Variants in CRACD observed in about 807,000 individuals in gnomAD.
The protein encoded by CRACD is capping protein inhibiting regulator of actin dynamics.
A neutral mutation model predicts 106.8 loss-of-function variants in CRACD; 56 were observed. The ratio of observed to expected loss-of-function variants is 0.52; its 90% CI spans 0.42 to 0.66. The LOEUF (loss-of-function observed/expected upper bound fraction) is 0.66, where lower values mean the gene tolerates loss of function less well. CRACD is among the 30% of genes least tolerant of loss of function. The pLI, the probability that CRACD is intolerant of heterozygous loss-of-function variation, is 0.00. For synonymous variants in CRACD, 754 were observed against 670.8 expected (o/e 1.12, Z -1.92); for missense variants, 1,730 against 1,623.2 (o/e 1.07, Z -1.13).
At chr4:56,208,702 G>T (rs1738250358) in intron 2 of CRACD, among the ~76,000 whole-genome samples, 1 of 152,068 alleles carries the variant, frequency 6.6e-6, no homozygotes. Context: ...AGGCTTCAGG[G>T]GCTCTCTGTA....
At chr4:56,215,562 C>A (rs1738634358) in intron 2 of CRACD, among the ~76,000 whole-genome samples, 1 of 152,192 alleles carries the variant, frequency 6.6e-6, no homozygotes, top group Admixed American at 6.5e-5. Flanking sequence ...CTTGTCTCTT[C>A]AACTGGACTA....
intron 10 of CRACD, among the ~76,000 whole-genome samples, chr4:56,325,902 T>C (rs1746410739): frequency 6.6e-6 from 1 of 152,172 alleles, no homozygotes. Context: ...TATATTTGTT[T>C]TTTAGTTTTG....
intron 1 of CRACD, among the ~76,000 whole-genome samples, chr4:56,141,137 A>G (rs1735182368): frequency 6.6e-6 from 1 of 152,204 alleles, no homozygotes; most frequent in Non-Finnish European, 1.5e-5. Flanking sequence ...ACTACCACCA[A>G]GTGGCATGTT....
At chr4:56,137,029 C>T (rs1370527442) in intron 1 of CRACD, among the ~76,000 whole-genome samples, 1 of 152,168 alleles carries the variant, frequency 6.6e-6, no homozygotes, top group Non-Finnish European at 1.5e-5. Flanking sequence ...AATTGGCATA[C>T]ATTTATGGTT....
At chr4:56,254,374 C>A (rs932597449) in intron 2 of CRACD, among the ~76,000 whole-genome samples, 2 of 141,452 alleles carry the variant, frequency 1.4e-5, no homozygotes, top group African/African-American at 2.7e-5. Context: ...CATTAAAAAT[C>A]TTTTAAAGCA....
intron 1 of CRACD, among the ~76,000 whole-genome samples, chr4:56,104,416 C>A (rs995405233): frequency 1.4e-4 from 21 of 150,560 alleles, no homozygotes; most frequent in Non-Finnish European, 2.5e-4. Flanking sequence ...CACAAAAAAA[C>A]AAACAAAACC....
At chr4:56,230,622 A>G (rs531749241) in intron 2 of CRACD, among the ~76,000 whole-genome samples, 1 of 152,320 alleles carries the variant, frequency 6.6e-6, no homozygotes, top group East Asian at 1.9e-4. Flanking sequence ...TGTTTCTGAA[A>G]GATTCTTGGC....
At position 56,106,411 on chromosome 4, in the gene CRACD, C is replaced by T. The variant is rs558500864; in HGVS notation, c.-336+57112C>T. Among the ~76,000 whole-genome samples, 3 of 152,334 alleles carry T rather than the reference C, an allele frequency of 2.0e-5. No homozygotes were observed. The South Asian group carries it at 6.2e-4, about 32-fold the overall frequency. ...GAGTTATAAAAATAAACTCTGGAGA[C>T]TGCTAGTGTTTAAAAGCACTCATCC... On this transcript the variant is annotated intron_variant, in intron 1 of 10. Coordinates refer to ENST00000682029, the MANE Select transcript of CRACD (RefSeq NM_001393381.1).
intron 2 of CRACD, among the ~76,000 whole-genome samples, chr4:56,187,889 A>T (rs1737153144): frequency 6.6e-6 from 1 of 152,186 alleles, no homozygotes; most frequent in Non-Finnish European, 1.5e-5. Flanking sequence ...TCAGCATGGA[A>T]AATGTCCTCC....
At chr4:56,237,822 A>G (rs1577783397) in intron 2 of CRACD, among the ~76,000 whole-genome samples, 1 of 152,072 alleles carries the variant, frequency 6.6e-6, no homozygotes, top group African/African-American at 2.4e-5. Flanking sequence ...GTAGATATAA[A>G]TATAGGCATG....
chr4:56,316,371 C>T lies in CRACD; in HGVS notation c.2869C>T (p.Leu957=), dbSNP rs1182647923. 1.2e-6 allele frequency: 2 copies of T among 1,614,142 alleles called. No individual in the cohort carries two copies. The highest frequency in any genetic ancestry group is 1.1e-5 in the South Asian group (1 of 91,088). ...EHDKAANKMP[L]AQKPALAPKP... ...CGACAAGGCAGCAAACAAAATGCCA[C>T]TGGCACAAAAGCCAGCACTGGCTCC... Residue 957 remains leucine (L), a synonymous_variant, in exon 8 of 11, where the codon CTG becomes TTG. Transcript: ENST00000682029.
chr4:56,165,683 A>G (rs1233831707), intron 1 of CRACD, among the ~76,000 whole-genome samples: 1 of 152,218 alleles, frequency 6.6e-6, no homozygotes, highest in African/African-American at 2.4e-5. Flanking sequence ...AGAAAGAGTT[A>G]CCTCATGAGA....
chr4:56,055,834 G>A (rs1435171418), intron 1 of CRACD, among the ~76,000 whole-genome samples: 1 of 152,088 alleles, frequency 6.6e-6, no homozygotes, highest in Non-Finnish European at 1.5e-5. Flanking sequence ...CTTAACCCAG[G>A]CCAGCCATCT....
At chr4:56,171,865 A>G (rs1736381576) in intron 1 of CRACD, among the ~76,000 whole-genome samples, 1 of 152,018 alleles carries the variant, frequency 6.6e-6, no homozygotes, top group Non-Finnish European at 1.5e-5. Context: ...CAGATTTTCC[A>G]CCTTTATAGC....
intron 2 of CRACD, among the ~76,000 whole-genome samples, chr4:56,208,385 C>T (rs10017845): frequency 0.47 from 71,445 of 151,926 alleles, 19,365 homozygotes; most frequent in African/African-American, 0.73. Context: ...TGAAGGGATT[C>T]GATTGTTCTC....
Position 56,308,492 on chromosome 4 carries a change from C to CA in CRACD, c.285+803dup, listed in dbSNP as rs10712608. Among the ~76,000 whole-genome samples, 77 of 150,236 alleles carry CA rather than the reference C, an allele frequency of 5.1e-4. No homozygotes were observed. In the South Asian group the frequency reaches 7.4e-3, roughly 14 times the overall value. On this transcript the variant is annotated intron_variant, in intron 5 of 10. Transcript: ENST00000682029. ...TTAAAAAAAAAAATGAAAAAACAAA[C>CA]AAAAAAAAAACCCATTCTCTAGGCT...
intron 1 of CRACD, among the ~76,000 whole-genome samples, chr4:56,133,896 A>T (rs1214367811): frequency 6.6e-6 from 1 of 152,184 alleles, no homozygotes; most frequent in East Asian, 1.9e-4. Flanking sequence ...ATTGTGAAAG[A>T]CTTCATGAAT....
At chr4:56,057,625 G>GTTTTT (rs1196589410) in intron 1 of CRACD, among the ~76,000 whole-genome samples, 4 of 125,074 alleles carry the variant, frequency 3.2e-5, no homozygotes, top group South Asian at 2.5e-4. Flanking sequence ...GATAGGTTGG[G>GTTTTT]TTTTTTTTTT....
intron 2 of CRACD, among the ~76,000 whole-genome samples, chr4:56,260,893 CCATCCATCCA>C (rs1741660153): frequency 2.3e-5 from 1 of 44,236 alleles, no homozygotes; most frequent in African/African-American, 8.5e-5. Flanking sequence ...ATCCATCCAT[CCATCCATCCA>C]TCCATCCATC....
Sources: allele counts gnomAD v4.1 joint callset (sites outside exome capture counted in the v4.1 genomes callset), GRCh38; gene constraint gnomAD v4.1.1; transcripts MANE v1.5; gene names NCBI Gene and HGNC (gene_info 2026-07-23, HGNC 2026-07-21).